TCF7L2: variants seen among roughly 807,000 people sequenced by gnomAD.
The protein encoded by TCF7L2 is transcription factor 7 like 2.
In TCF7L2, 23 loss-of-function variants were observed where a neutral mutation model predicts 77.9. The observed-to-expected ratio is 0.30, with a 90% confidence interval of 0.21 to 0.42. The LOEUF is 0.42. Among genes scored for constraint, TCF7L2 ranks in the 10% least tolerant of loss-of-function variants. TCF7L2 has a pLI of 1.00. For missense variants in TCF7L2, 654 were observed against 793.1 expected (o/e 0.82, Z 2.11); for synonymous variants, 413 against 340.2 (o/e 1.21, Z -2.36).
chr10:113,145,822 AG>A (rs2069276858), intron 7 of TCF7L2, among the ~76,000 whole-genome samples, 188 bp from the exon 8 acceptor site: 1 of 152,192 alleles, frequency 6.6e-6, no homozygotes, highest in African/African-American at 2.4e-5. Context: ...CATTCCTATC[AG>A]ATTTATGGCA....
intron 4 of TCF7L2, among the ~76,000 whole-genome samples, chr10:112,996,499 C>T (rs7068741): frequency 0.045 from 6,870 of 152,242 alleles, 472 homozygotes; most frequent in African/African-American, 0.16. Flanking sequence ...CACTCTCAAA[C>T]CAGGGCCCCC....
At chr10:113,086,112 G>A (rs1201466300) in intron 5 of TCF7L2, among the ~76,000 whole-genome samples, 1 of 152,254 alleles carries the variant, frequency 6.6e-6, no homozygotes, top group Non-Finnish European at 1.5e-5. Flanking sequence ...TTGCCCACTC[G>A]TCATGTCAGG....
At chr10:113,125,792 A>G (rs111546045) in intron 5 of TCF7L2, 1 of 136,386 alleles carries the variant, frequency 7.3e-6, no homozygotes, top group African/African-American at 2.6e-5. Flanking sequence ...ACCACAAACA[A>G]AAAAGAGAAA....
At chr10:113,148,170 C>A (rs1052646625) in intron 8 of TCF7L2, among the ~76,000 whole-genome samples, 1 of 152,090 alleles carries the variant, frequency 6.6e-6, no homozygotes, top group Non-Finnish European at 1.5e-5. Context: ...CATGGAGAAG[C>A]CTAGATTGGC....
At chr10:113,059,636 T>G (rs2056083754) in intron 5 of TCF7L2, among the ~76,000 whole-genome samples, 1 of 152,062 alleles carries the variant, frequency 6.6e-6, no homozygotes, top group Non-Finnish European at 1.5e-5. Context: ...AACTGGGACA[T>G]AAACAAAAAT....
intron 4 of TCF7L2, among the ~76,000 whole-genome samples, chr10:112,980,843 G>T (rs1398488894): frequency 6.6e-6 from 1 of 152,052 alleles, no homozygotes; most frequent in African/African-American, 2.4e-5. Flanking sequence ...AGCCAGGATG[G>T]TCTCGATCTC....
Position 113,142,852 on chromosome 10 carries a change from T to C in TCF7L2, c.686-1071T>C, listed in dbSNP as rs78373818. Among the ~76,000 whole-genome samples, 832 of 152,352 alleles carry C rather than the reference T, an allele frequency of 5.5e-3. 3 individuals carry two copies. The highest frequency in any genetic ancestry group is 9.0e-3 in the Non-Finnish European group (610 of 68,030). ...CTGTTTACTTTTCCTCTGCGAACAT[T>C]CTTTCAAGTGTGCAAATGGCTCGAT... is the stretch of plus-strand genomic sequence containing the variant. On this transcript the variant is annotated intron_variant, in intron 6 of 13. Coordinates refer to ENST00000627217, the MANE Select transcript of TCF7L2 (RefSeq NM_001146274.2).
chr10:112,961,439 C>T (rs2035207017), intron 3 of TCF7L2, among the ~76,000 whole-genome samples: 1 of 152,128 alleles, frequency 6.6e-6, no homozygotes, highest in Non-Finnish European at 1.5e-5. Context: ...CTTCTAGCTT[C>T]TGGAGAGAGA....
chr10:112,974,979 T>C (rs1013696766), intron 4 of TCF7L2, among the ~76,000 whole-genome samples: 2 of 79,278 alleles, frequency 2.5e-5, no homozygotes, highest in Non-Finnish European at 5.0e-5. Context: ...TTTTTTTTTC[T>C]TTTTCTTTTT....
intron 4 of TCF7L2, among the ~76,000 whole-genome samples, chr10:113,005,224 C>T (rs2045324623): frequency 6.6e-6 from 1 of 152,214 alleles, no homozygotes; most frequent in Non-Finnish European, 1.5e-5. Context: ...TCCAATGGCC[C>T]ATTATGAATG....
intron 5 of TCF7L2, among the ~76,000 whole-genome samples, chr10:113,120,739 G>A (rs1171670214): frequency 2.6e-5 from 4 of 152,170 alleles, no homozygotes; most frequent in South Asian, 4.1e-4. Flanking sequence ...TACCGATAGC[G>A]GAGTAGATTG....
intron 5 of TCF7L2, among the ~76,000 whole-genome samples, chr10:113,121,478 C>T (rs1203334236): frequency 6.6e-6 from 1 of 152,170 alleles, no homozygotes; most frequent in Non-Finnish European, 1.5e-5. Context: ...AGTTTTTTTA[C>T]TGTGCTAGTG....
chr10:113,135,985 A>G (rs1302949748), intron 5 of TCF7L2, among the ~76,000 whole-genome samples: 1 of 152,148 alleles, frequency 6.6e-6, no homozygotes, highest in African/African-American at 2.4e-5. Context: ...GAACACAGCA[A>G]TTAACCCCAT....
At chr10:112,962,992 C>T (rs1175524039) in intron 3 of TCF7L2, among the ~76,000 whole-genome samples, 1 of 152,172 alleles carries the variant, frequency 6.6e-6, no homozygotes. Flanking sequence ...TGGTTCATTA[C>T]TCTCCTTTGA....
At chr10:113,099,655 C>G (rs544999281) in intron 5 of TCF7L2, among the ~76,000 whole-genome samples, 1 of 152,236 alleles carries the variant, frequency 6.6e-6, no homozygotes, top group Non-Finnish European at 1.5e-5. Flanking sequence ...GACCCCCGAG[C>G]TCCCAGCTCA....
chr10:113,128,183 G>T (rs989241436), intron 5 of TCF7L2, among the ~76,000 whole-genome samples: 8 of 152,030 alleles, frequency 5.3e-5, no homozygotes, highest in South Asian at 4.2e-4. Context: ...GGAATGGCAG[G>T]GTTTTGTTTT....
chr10:113,068,970 C>A (rs1309722188), intron 5 of TCF7L2, among the ~76,000 whole-genome samples: 3 of 151,610 alleles, frequency 2.0e-5, no homozygotes, highest in Non-Finnish European at 1.5e-5. Context: ...CCTGCCTACC[C>A]TTCTTTGGAT....
intron 3 of TCF7L2, among the ~76,000 whole-genome samples, chr10:112,958,834 C>T (rs2034355343): frequency 6.6e-6 from 1 of 152,050 alleles, no homozygotes; most frequent in Non-Finnish European, 1.5e-5. Flanking sequence ...CAGGGAAGGA[C>T]ACATGAAACC....
intron 4 of TCF7L2, among the ~76,000 whole-genome samples, chr10:112,998,077 G>C (rs911460071): frequency 6.6e-6 from 1 of 151,506 alleles, no homozygotes; most frequent in Non-Finnish European, 1.5e-5. Context: ...GAGGTGGGGA[G>C]GAGGGGCCCA....
Sources: gnomAD v4.1 joint callset for allele counts (sites outside exome capture counted in the v4.1 genomes callset) on GRCh38, gnomAD v4.1.1 for gene constraint, MANE v1.5 for transcripts, NCBI Gene and HGNC (gene_info 2026-07-23, HGNC 2026-07-21) for gene names.